ZNF704: variants seen among roughly 807,000 people sequenced by gnomAD.
ZNF704 encodes glucocorticoid induced gene 1.
In ZNF704, 10 loss-of-function variants were observed where a neutral mutation model predicts 44.7. That is an observed-to-expected ratio of 0.22 (90% confidence interval 0.14 to 0.38). ZNF704 has a LOEUF of 0.38. Ranked by LOEUF, ZNF704 falls within the 10% of genes least tolerant of loss-of-function variation. The pLI, the probability that ZNF704 is intolerant of heterozygous loss-of-function variation, is 1.00. For synonymous variants in ZNF704, 211 were observed against 207.6 expected (o/e 1.02, Z -0.14); for missense variants, 390 against 545.5 (o/e 0.71, Z 2.84).
intron 1 of ZNF704, among the ~76,000 whole-genome samples, chr8:80,826,179 A>T (rs1808371178): frequency 6.6e-6 from 1 of 152,226 alleles, no homozygotes; most frequent in East Asian, 1.9e-4. Context: ...ATAGACCACT[A>T]GCAAGACTAA....
intron 2 of ZNF704, among the ~76,000 whole-genome samples, chr8:80,758,664 C>A (rs1221887574): frequency 6.6e-6 from 1 of 152,132 alleles, no homozygotes; most frequent in Non-Finnish European, 1.5e-5. Flanking sequence ...CGTGTGCTAT[C>A]TCATTTAAAC....
intron 2 of ZNF704, among the ~76,000 whole-genome samples, chr8:80,811,635 C>T (rs551649284): frequency 4.7e-4 from 71 of 152,186 alleles, no homozygotes; most frequent in Non-Finnish European, 1.3e-4. Flanking sequence ...TATCTAAAGA[C>T]ATATGTGGTA....
chr8:80,702,802 G>C (rs1818833132), intron 2 of ZNF704, among the ~76,000 whole-genome samples: 1 of 152,114 alleles, frequency 6.6e-6, no homozygotes, highest in African/African-American at 2.4e-5. Flanking sequence ...GTAGAGGGCA[G>C]AGGCAGGGCA....
intron 2 of ZNF704, among the ~76,000 whole-genome samples, chr8:80,749,860 T>C (rs1368471139): frequency 6.6e-6 from 1 of 152,182 alleles, no homozygotes; most frequent in African/African-American, 2.4e-5. Flanking sequence ...ATGGTGTCAG[T>C]AACTGAACCA....
intron 2 of ZNF704, among the ~76,000 whole-genome samples, chr8:80,721,776 T>C (rs1025602173): frequency 1.3e-5 from 2 of 152,188 alleles, no homozygotes. Context: ...GGAAGAACTG[T>C]AGTACACATG....
At chr8:80,657,935 A>G (rs1001903219) in intron 7 of ZNF704, among the ~76,000 whole-genome samples, 2 of 152,162 alleles carry the variant, frequency 1.3e-5, no homozygotes, top group Non-Finnish European at 2.9e-5. Context: ...AGAAATACAC[A>G]GTGTCCATAG....
upstream of ZNF704, among the ~76,000 whole-genome samples, chr8:80,879,030 A>G (rs1374613382): frequency 6.6e-6 from 1 of 152,224 alleles, no homozygotes; most frequent in Non-Finnish European, 1.5e-5. Context: ...GGGGATTATT[A>G]GCCATGGAAC....
intron 2 of ZNF704, among the ~76,000 whole-genome samples, chr8:80,713,548 G>C (rs768877483): frequency 1.3e-5 from 2 of 152,080 alleles, no homozygotes; most frequent in Non-Finnish European, 2.9e-5. Context: ...TAAAATATTT[G>C]ATAAAATTCG....
chr8:80,658,365 GGGTCT>G (rs1439564236), intron 7 of ZNF704, among the ~76,000 whole-genome samples: 1 of 150,756 alleles, frequency 6.6e-6, no homozygotes, highest in African/African-American at 2.5e-5. Flanking sequence ...GAGCCACTCT[GGGTCT>G]TTTTATGTCT....
intron 2 of ZNF704, among the ~76,000 whole-genome samples, chr8:80,698,228 A>C (rs1366056398): frequency 6.6e-6 from 1 of 152,188 alleles, no homozygotes; most frequent in Non-Finnish European, 1.5e-5. Flanking sequence ...ACACACAAAT[A>C]AACATAAACT....
chr8:80,649,850 C>T (rs531305501), intron 7 of ZNF704, among the ~76,000 whole-genome samples: 73 of 152,330 alleles, frequency 4.8e-4, no homozygotes, highest in African/African-American at 1.4e-3. Context: ...GATCTGAGGA[C>T]GGACAGACTG....
intron 2 of ZNF704, among the ~76,000 whole-genome samples, chr8:80,735,814 T>A (rs1806656316): frequency 6.6e-6 from 1 of 152,250 alleles, no homozygotes; most frequent in Admixed American, 6.5e-5. Context: ...ATGCAGACCT[T>A]CTATTTAAAC....
At chr8:80,690,501 C>T (rs929524555) in intron 3 of ZNF704, among the ~76,000 whole-genome samples, 2 of 152,124 alleles carry the variant, frequency 1.3e-5, no homozygotes, top group African/African-American at 4.8e-5. Context: ...GCACCATAAG[C>T]TCAATGCAAC....
chr8:80,715,496 C>T (rs1318593686), intron 2 of ZNF704, among the ~76,000 whole-genome samples: 1 of 152,156 alleles, frequency 6.6e-6, no homozygotes, highest in African/African-American at 2.4e-5. Context: ...TGTATTGTGT[C>T]TTCCAATTTC....
In ZNF704 at chr8:80,821,416, T is replaced by C; in HGVS notation, c.179A>G (p.Lys60Arg). 6.2e-7 allele frequency: 1 copy of C among 1,613,774 alleles called. No individual in the cohort carries two copies. The highest frequency in any genetic ancestry group is 8.5e-7 in the Non-Finnish European group (1 of 1,179,968). The change falls in exon 2 of 9, where the codon AAA (lysine) becomes AGA (arginine). Residue 60 changes from lysine to arginine, a missense_variant. Lys to Arg is a conservative substitution (Grantham distance 26). Coordinates refer to ENST00000327835, the MANE Select transcript of ZNF704 (RefSeq NM_001033723.3). The stretch of plus-strand genomic sequence containing the variant: ...AATGTTGGAGGAAACAACTTTTCTT[T>C]TTTGCTCAAGGAGACAGATGGAGCG... ...NTRSICLLEQ[K>R]RKVVSSNIDV...
intron 4 of ZNF704, among the ~76,000 whole-genome samples, chr8:80,672,561 C>T (rs1818298984): frequency 6.6e-6 from 1 of 152,168 alleles, no homozygotes; most frequent in East Asian, 1.9e-4. Flanking sequence ...ACACATACAT[C>T]ATGGAGTACT....
chr8:80,708,590 G>A (rs1211608436), intron 2 of ZNF704, among the ~76,000 whole-genome samples: 6 of 152,220 alleles, frequency 3.9e-5, no homozygotes, highest in Admixed American at 3.9e-4. Flanking sequence ...TGCTAAAAGT[G>A]ATTGTATAGC....
chr8:80,791,515 A>G (rs1399508234), intron 2 of ZNF704, among the ~76,000 whole-genome samples: 1 of 152,204 alleles, frequency 6.6e-6, no homozygotes, highest in Non-Finnish European at 1.5e-5. Flanking sequence ...TGGGGAGATA[A>G]CTGCTGAATC....
intron 7 of ZNF704, among the ~76,000 whole-genome samples, chr8:80,646,670 C>T (rs565476691): frequency 5.3e-5 from 8 of 152,086 alleles, no homozygotes; most frequent in South Asian, 4.2e-4. Flanking sequence ...TGTATAGATA[C>T]GCAGCTTCCT....
Sources: gnomAD v4.1 joint callset for allele counts (sites outside exome capture counted in the v4.1 genomes callset) on GRCh38, gnomAD v4.1.1 for gene constraint, MANE v1.5 for transcripts, NCBI Gene and HGNC (gene_info 2026-07-23, HGNC 2026-07-21) for gene names.